AFF1: variants seen among roughly 807,000 people sequenced by gnomAD.
AFF1 encodes ALF transcription elongation factor 1.
AFF1 carries 48 observed loss-of-function variants against 121.7 expected under a neutral mutation model. The observed-to-expected ratio is 0.39, with a 90% CI of 0.31 to 0.50. AFF1 has a LOEUF of 0.50. Among genes scored for constraint, AFF1 ranks in the 20% least tolerant of loss-of-function variants. The pLI is 0.76. For missense variants in AFF1, 1,523 were observed against 1,511.7 expected (o/e 1.01, Z -0.12); for synonymous variants, 613 against 563.0 (o/e 1.09, Z -1.26).
chr4:87,001,671 A>C (rs35653846), intron 2 of AFF1, among the ~76,000 whole-genome samples: 1 of 152,108 alleles, frequency 6.6e-6, no homozygotes, highest in Non-Finnish European at 1.5e-5. Context: ...AGATAAAGGC[A>C]GAGAACCTGG....
At chr4:87,114,257 G>T in intron 11 of AFF1, 110 bp from the exon 12 acceptor site, 1 of 934,836 alleles carries the variant, frequency 1.1e-6, no homozygotes, top group Non-Finnish European at 1.5e-6. Flanking sequence ...TCTGGGTTTG[G>T]AAGTATTTGC....
intron 2 of AFF1, among the ~76,000 whole-genome samples, chr4:87,026,855 T>C (rs1248190548): frequency 2.0e-5 from 3 of 152,178 alleles, no homozygotes; most frequent in Non-Finnish European, 4.4e-5. Context: ...TAACTCAAAC[T>C]AGATGAAATA....
At chr4:87,131,961 T>G in intron 18 of AFF1, 97 bp downstream of exon 18, 1 of 1,121,624 alleles carries the variant, frequency 8.9e-7, no homozygotes. Context: ...ATGTGAAAAT[T>G]ATGAAAAGCA....
At chr4:87,014,535 C>A (rs547819186) in intron 2 of AFF1, among the ~76,000 whole-genome samples, 48 of 152,326 alleles carry the variant, frequency 3.2e-4, no homozygotes, top group Admixed American at 2.9e-3. Flanking sequence ...TAACAAAATT[C>A]AGGAAACAGT....
At chr4:87,133,157 A>G (rs896336744) in intron 19 of AFF1, among the ~76,000 whole-genome samples, 4 of 152,252 alleles carry the variant, frequency 2.6e-5, no homozygotes, top group Non-Finnish European at 1.5e-5. Flanking sequence ...CAGCAATACT[A>G]AGAATGAAAA....
At chr4:87,003,403 A>G (rs1029222937) in intron 2 of AFF1, among the ~76,000 whole-genome samples, 43 of 152,120 alleles carry the variant, frequency 2.8e-4, no homozygotes, top group African/African-American at 1.0e-3. Context: ...AGCTAGAACT[A>G]TATATCCAGC....
intron 2 of AFF1, among the ~76,000 whole-genome samples, chr4:87,026,381 A>G (rs1728539420): frequency 6.6e-6 from 1 of 152,134 alleles, no homozygotes; most frequent in Non-Finnish European, 1.5e-5. Flanking sequence ...TACAGGTGTG[A>G]GCCACCATGC....
At chr4:87,131,037 C>T (rs1327249187) in intron 16 of AFF1, 46 bp from the exon 17 acceptor site, 2 of 1,600,662 alleles carry the variant, frequency 1.2e-6, no homozygotes, top group Non-Finnish European at 8.5e-7. Context: ...GAAACTAAAT[C>T]AAGGTTTGTC....
chr4:87,114,467 C>G lies in AFF1; in HGVS notation c.1634C>G (p.Pro545Arg). The change falls in exon 12 of 21, where the codon CCA (proline) becomes CGA (arginine). Residue 545 changes from proline to arginine, a missense_variant. Transcript: ENST00000395146. Reference sequence around the variant, plus strand: ...GAGGGCCCCAGGAGCACAGAGCCCCCACGGCGGCACCCAGAGAGTAAGGGC... The same window carrying G: ...GAGGGCCCCAGGAGCACAGAGCCCCGACGGCGGCACCCAGAGAGTAAGGGC... Reference protein sequence around the residue: ...PPEGPRSTEPPRRHPESKGSS... With the variant: ...PPEGPRSTEPRRRHPESKGSS... 1.9e-6 allele frequency: 3 copies of G among 1,613,784 alleles called. No homozygotes were observed. In the South Asian group the frequency reaches 3.3e-5, roughly 18 times the overall value.
At chr4:87,018,852 A>C (rs998819140) in intron 2 of AFF1, among the ~76,000 whole-genome samples, 1 of 152,268 alleles carries the variant, frequency 6.6e-6, no homozygotes, top group Non-Finnish European at 1.5e-5. Flanking sequence ...CAAGTGTTGA[A>C]AAGAAATTCG....
In AFF1 at chr4:87,084,122, G is replaced by C. The variant is rs749253897; in HGVS notation, c.1062G>C (p.Gln354His). Residue 354 changes from glutamine to histidine, a missense_variant and splice_region_variant, in exon 5 of 21, where the codon CAG becomes CAC. Physicochemically the swap from Gln to His is conservative, Grantham distance 24. Around this residue, in one of 5 missense-constraint regions of AFF1, gnomAD observed 905 missense variants for 842.5 expected, o/e 1.07. Transcript: ENST00000395146. ...TATTTTTTGCTTTTCACTTTCAGCA[G>C]ACCTACTCCAATGAAGTCCATTGTG... ...KLKMPSQSVEQTYSNEVHCVE... is the reference protein window; with the variant it reads ...KLKMPSQSVEHTYSNEVHCVE... The C allele has an allele frequency of 8.7e-6, 14 of 1,613,780 alleles. No homozygotes were observed. Among genetic ancestry groups the C allele is most frequent in the East Asian group, 4.5e-5 (2 of 44,886 alleles).
chr4:87,060,835 C>CAAAAAA (rs749186199), intron 4 of AFF1, among the ~76,000 whole-genome samples: 805 of 61,808 alleles, frequency 0.013, 54 homozygotes, highest in Non-Finnish European at 0.019. Flanking sequence ...GACTCTGTCT[C>CAAAAAA]AAAAAAAAAA....
intron 15 of AFF1, among the ~76,000 whole-genome samples, chr4:87,127,357 T>C (rs1728384522): frequency 1.3e-5 from 2 of 152,092 alleles, no homozygotes; most frequent in Non-Finnish European, 2.9e-5. Flanking sequence ...AGAGACGGGT[T>C]TCATCATGTT....
intron 2 of AFF1, among the ~76,000 whole-genome samples, chr4:86,998,098 CAAAAAAAAAAAAAA>C (rs56741955): frequency 0.053 from 4,920 of 91,978 alleles, 331 homozygotes; most frequent in African/African-American, 0.2. Context: ...AACTCCGTCT[CAAAAAAAAAAAAAA>C]AAAAAAAAAA....
rs1729562314 is a variant in AFF1, at chr4:87,139,618, T to G, written c.*3917T>G. 4.4e-6 allele frequency: 1 copy of G among 226,846 alleles called. No homozygotes were observed. The highest frequency in any genetic ancestry group is 8.8e-6 in the Non-Finnish European group (1 of 113,986). The allele number at this position is 226,846 out of a possible 1,614,324, so 14.1% of individuals were successfully genotyped here. ...TGCTAGGATCAATTATGGCAGTACC[T>G]TTTTTCCCCTCCTGTTCTTGAGCCA... On this transcript the variant is annotated 3_prime_UTR_variant, in exon 21 of 21. Transcript: ENST00000395146.
rs1244895268 is a variant in AFF1, at chr4:87,138,770, ATAT to A, written c.*3073_*3075del. On this transcript the variant is annotated 3_prime_UTR_variant, in exon 21 of 21. Coordinates refer to ENST00000395146, the MANE Select transcript of AFF1 (RefSeq NM_001166693.3). ...AATAGGAGGAGAATTTGACTGTCTG[ATAT>A]TATGATTTGATTACAATACTGAATG... The A allele has an allele frequency of 4.3e-5, 10 of 230,472 alleles. No individual in the cohort carries two copies. The allele number at this position is 230,472 out of a possible 1,614,324, so 14.3% of individuals were successfully genotyped here. A position where few individuals can be genotyped will look rare whatever the true frequency, so the allele number is the denominator to read the frequency against.
chr4:87,102,006 A>G (rs979394501), intron 8 of AFF1, among the ~76,000 whole-genome samples: 40 of 152,346 alleles, frequency 2.6e-4, no homozygotes, highest in African/African-American at 9.1e-4. Flanking sequence ...AATCGGGTTG[A>G]CTCACTGCAG....
At chr4:87,082,781 A>G (rs993977658) in intron 4 of AFF1, among the ~76,000 whole-genome samples, 3 of 152,156 alleles carry the variant, frequency 2.0e-5, no homozygotes, top group Admixed American at 2.0e-4. Flanking sequence ...GAATGTTTGT[A>G]TGCTCTATTT....
intron 17 of AFF1, among the ~76,000 whole-genome samples, chr4:87,131,493 G>A (rs180714999): frequency 6.6e-6 from 1 of 152,162 alleles, no homozygotes; most frequent in Admixed American, 6.5e-5. Context: ...TTTTTATGAA[G>A]TGTCCTCTCC....
Sources: gnomAD v4.1 joint callset for allele counts (sites outside exome capture counted in the v4.1 genomes callset) on GRCh38, gnomAD v4.1.1 for gene constraint, gnomAD v4.1.1 regional missense constraint, MANE v1.5 for transcripts, NCBI Gene and HGNC (gene_info 2026-07-23, HGNC 2026-07-21) for gene names.